The following ZNF536 variants were observed in gnomAD, a reference collection of about 807,000 sequenced individuals.
ZNF536 encodes zinc finger protein 536.
In ZNF536, 13 loss-of-function variants were observed where a neutral mutation model predicts 84.5. The observed-to-expected ratio is 0.15, with a 90% confidence interval of 0.10 to 0.24. ZNF536 has a LOEUF of 0.24. Among genes scored for constraint, ZNF536 ranks in the 10% least tolerant of loss-of-function variants. The pLI, the probability that ZNF536 is intolerant of heterozygous loss-of-function variation, is 1.00. For synonymous variants in ZNF536, 811 were observed against 742.5 expected, an observed-to-expected ratio of 1.09 and a Z score of -1.50; for missense variants, 1,536 against 1,747.5, an observed-to-expected ratio of 0.88 and a Z score of 2.16.
At chr19:30,639,800 G>A (rs1026765866) in intron 1 of ZNF536, among the ~76,000 whole-genome samples, 9 of 152,154 alleles carry the variant, frequency 5.9e-5, no homozygotes, top group African/African-American at 9.7e-5. Flanking sequence ...TCAGCATCTC[G>A]TTGGCTGCCA....
upstream of ZNF536, among the ~76,000 whole-genome samples, chr19:30,225,737 G>T (rs1160371972): frequency 2.8e-5 from 4 of 144,396 alleles, no homozygotes; most frequent in African/African-American, 7.6e-5. Flanking sequence ...CGGCGCGGGG[G>T]GGCGGCGGCG....
intron 1 of ZNF536, among the ~76,000 whole-genome samples, chr19:30,437,638 C>T (rs1274298663): frequency 1.3e-5 from 2 of 151,998 alleles, no homozygotes; most frequent in East Asian, 1.9e-4. Context: ...TTCATCAATA[C>T]TGACTGTGGA....
chr19:30,479,499 G>A (rs375007532), intron 2 of ZNF536, among the ~76,000 whole-genome samples: 4 of 152,176 alleles, frequency 2.6e-5, no homozygotes, highest in East Asian at 1.9e-4. Context: ...CTGCTGTTTC[G>A]ACTACAGACC....
intron 2 of ZNF536, among the ~76,000 whole-genome samples, chr19:30,497,356 C>T (rs1158904843): frequency 6.6e-6 from 1 of 152,180 alleles, no homozygotes; most frequent in African/African-American, 2.4e-5. Context: ...TCCTCATGCA[C>T]AATAACCCAG....
At chr19:30,237,220 C>T (rs2023595894) in intron 1 of ZNF536, among the ~76,000 whole-genome samples, 1 of 152,070 alleles carries the variant, frequency 6.6e-6, no homozygotes, top group African/African-American at 2.4e-5. Context: ...GTGTGATCTC[C>T]AAATACCACC....
At chr19:30,634,670 G>A (rs1027949795) in intron 1 of ZNF536, among the ~76,000 whole-genome samples, 1 of 152,054 alleles carries the variant, frequency 6.6e-6, no homozygotes, top group African/African-American at 2.4e-5. Flanking sequence ...TCCACTTAAT[G>A]CCGGTGAATG....
rs2046619581 is a variant in ZNF536, at chr19:30,573,370, T to A, written c.169+23856T>A. Among the ~76,000 whole-genome samples, 2 of 152,228 alleles carry A rather than the reference T, an allele frequency of 1.3e-5. 1 individual carries two copies. Among genetic ancestry groups the A allele is most frequent in the South Asian group, 4.1e-4 (2 of 4,834 alleles). ...CTCCTGACTCCCAATACCAGGCTCA[T>A]TCTGCTACCCTGGAATACTTCTGCC... On this transcript the variant is annotated intron_variant, in intron 1 of 1. Transcript: ENST00000592773.
At chr19:30,616,194 T>C (rs2048288383) in intron 1 of ZNF536, among the ~76,000 whole-genome samples, 1 of 152,238 alleles carries the variant, frequency 6.6e-6, no homozygotes, top group Admixed American at 6.5e-5. Context: ...TCCATTGCAA[T>C]GACTAATATA....
intron 1 of ZNF536, among the ~76,000 whole-genome samples, chr19:30,633,252 G>A (rs1016259169): frequency 3.3e-5 from 5 of 152,234 alleles, no homozygotes; most frequent in Middle Eastern, 6.8e-3. Flanking sequence ...TCAGGATGTC[G>A]ATATTCAATT....
chr19:30,500,975 C>T lies in ZNF536; in HGVS notation c.2171-33872C>T, dbSNP rs141127665. On this transcript the variant is annotated intron_variant, in intron 2 of 4. Transcript: ENST00000355537. Reference sequence around the variant, plus strand: ...AGCTTTGTTGAGGCTCCTTCTGGTGCTGTTTGGGCATTGTTCAGGATTGGA... The same window carrying T: ...AGCTTTGTTGAGGCTCCTTCTGGTGTTGTTTGGGCATTGTTCAGGATTGGA... 3.6e-3 allele frequency among the ~76,000 whole-genome samples: 547 copies of T among 152,236 alleles called. 2 individuals carry two copies. Among genetic ancestry groups the T allele is most frequent in the African/African-American group, 0.012 (514 of 41,524 alleles).
intron 1 of ZNF536, chr19:30,665,471 G>A (rs1323347346): frequency 6.6e-6 from 1 of 152,276 alleles, no homozygotes; most frequent in Non-Finnish European, 1.5e-5. Flanking sequence ...ATCAGTGGAG[G>A]AAGCTTAGCT....
intron 1 of ZNF536, among the ~76,000 whole-genome samples, chr19:30,410,270 C>A (rs2147675098): frequency 6.6e-6 from 1 of 151,778 alleles, no homozygotes; most frequent in Non-Finnish European, 1.5e-5. Context: ...TGATGTATAT[C>A]CTTAGGGTAA....
intron 1 of ZNF536, among the ~76,000 whole-genome samples, chr19:30,430,239 C>G (rs2051394123): frequency 6.6e-6 from 1 of 152,218 alleles, no homozygotes; most frequent in Non-Finnish European, 1.5e-5. Context: ...AGATGTTATG[C>G]TGGAGGCCTG....
chr19:30,320,728 A>G (rs2046827201), intron 2 of ZNF536, among the ~76,000 whole-genome samples: 1 of 152,078 alleles, frequency 6.6e-6, no homozygotes, highest in South Asian at 2.1e-4. Flanking sequence ...CCCGACCTGG[A>G]TTATCCAAAC....
intron 1 of ZNF536, among the ~76,000 whole-genome samples, chr19:30,653,509 G>A (rs1488621732): frequency 6.6e-6 from 1 of 152,212 alleles, no homozygotes; most frequent in African/African-American, 2.4e-5. Context: ...GTTGCACACA[G>A]TTTAAAAATG....
At chr19:30,594,155 A>G (rs117963118) in intron 1 of ZNF536, among the ~76,000 whole-genome samples, 2,695 of 152,338 alleles carry the variant, frequency 0.018, 24 homozygotes, top group Non-Finnish European at 0.025. Context: ...TAGGCGTTCA[A>G]TCCTGGAGTG....
chr19:30,329,486 T>G (rs2063564770), intron 2 of ZNF536, among the ~76,000 whole-genome samples: 1 of 152,172 alleles, frequency 6.6e-6, no homozygotes, highest in Non-Finnish European at 1.5e-5. Context: ...AGGAGTTAAG[T>G]TTTTGGAGTT....
chr19:30,431,827 G>A (rs959431978), intron 1 of ZNF536, among the ~76,000 whole-genome samples: 4 of 152,124 alleles, frequency 2.6e-5, no homozygotes, highest in South Asian at 2.1e-4. Flanking sequence ...GAGCCAAGGC[G>A]GGTTAATAGG....
At chr19:30,441,117 A>G (rs1264070688) in intron 1 of ZNF536, among the ~76,000 whole-genome samples, 1 of 152,196 alleles carries the variant, frequency 6.6e-6, no homozygotes, top group African/African-American at 2.4e-5. Context: ...TTGCACATTC[A>G]GCCTTCTTTC....
Sources: allele counts gnomAD v4.1 joint callset (sites outside exome capture counted in the v4.1 genomes callset), GRCh38; gene constraint gnomAD v4.1.1; transcripts MANE v1.5; gene names NCBI Gene and HGNC (gene_info 2026-07-23, HGNC 2026-07-21).